Variants in TM2D1 observed in about 807,000 individuals in gnomAD.
TM2D1 encodes TM2 domain-containing protein 1.
Under a neutral mutation model 28.4 loss-of-function variants are expected in TM2D1, and 15 were observed. That is an observed-to-expected ratio of 0.53 (90% CI 0.35 to 0.81). TM2D1 has a LOEUF of 0.81. Among genes scored for constraint, TM2D1 ranks in the 40% least tolerant of loss-of-function variants. The pLI, the probability that TM2D1 is intolerant of heterozygous loss-of-function variation, is 0.01. For missense variants in TM2D1, 236 were observed against 254.9 expected, an observed-to-expected ratio of 0.93 and a Z score of 0.50; for synonymous variants, 93 against 96.2, an observed-to-expected ratio of 0.97 and a Z score of 0.20.
At chr1:61,690,456 C>CAAAAAAAAA (rs762550068) in intron 5 of TM2D1, among the ~76,000 whole-genome samples, 9 of 60,018 alleles carry the variant, frequency 1.5e-4, no homozygotes, top group Non-Finnish European at 2.4e-4. Context: ...GACTCAGTCT[C>CAAAAAAAAA]AAAAAAAAAA....
chr1:61,690,099 G>T (rs1644312800), intron 5 of TM2D1, among the ~76,000 whole-genome samples: 1 of 152,140 alleles, frequency 6.6e-6, no homozygotes, highest in African/African-American at 2.4e-5. Flanking sequence ...GAACCTGCTG[G>T]TGTCTTGATA....
chr1:61,689,280 T>G (rs1242893501), intron 5 of TM2D1, among the ~76,000 whole-genome samples: 1 of 152,182 alleles, frequency 6.6e-6, no homozygotes, highest in East Asian at 1.9e-4. Flanking sequence ...TTTAAAAATG[T>G]TCGTAAAATG....
At chr1:61,681,829 T>C (rs1644245567) in intron 6 of TM2D1, among the ~76,000 whole-genome samples, 1 of 152,278 alleles carries the variant, frequency 6.6e-6, no homozygotes, top group Admixed American at 6.5e-5. Flanking sequence ...AGAACAACCA[T>C]GTGACAGAAT....
chr1:61,701,097 A>G (rs1644397404), intron 3 of TM2D1, 72 bp from the exon 4 acceptor site: 1 of 1,157,908 alleles, frequency 8.6e-7, no homozygotes, highest in Non-Finnish European at 1.3e-6. Context: ...ATTAACTACT[A>G]CTTGTTAATT....
intron 5 of TM2D1, among the ~76,000 whole-genome samples, chr1:61,686,390 C>T (rs1038471320): frequency 9.2e-5 from 14 of 151,868 alleles, no homozygotes; most frequent in Non-Finnish European, 1.3e-4. Flanking sequence ...GGTGTGGTGG[C>T]TCATGCCTGT....
At chr1:61,693,927 G>A (rs1398198784) in intron 5 of TM2D1, among the ~76,000 whole-genome samples, 2 of 152,132 alleles carry the variant, frequency 1.3e-5, no homozygotes, top group African/African-American at 4.8e-5. Context: ...ACCACAATCA[G>A]TTCTACATAA....
intron 3 of TM2D1, among the ~76,000 whole-genome samples, chr1:61,707,699 A>C (rs1644450830): frequency 6.6e-6 from 1 of 152,254 alleles, no homozygotes; most frequent in Non-Finnish European, 1.5e-5. Flanking sequence ...ATTATACAGC[A>C]AGATAGAATC....
At chr1:61,699,539 T>C (rs907073192) in intron 4 of TM2D1, 2 of 152,242 alleles carry the variant, frequency 1.3e-5, no homozygotes, top group South Asian at 4.1e-4. Flanking sequence ...AATTGTCCCC[T>C]AATCTCCCAG....
chr1:61,714,271 A>G (rs1644501172), intron 2 of TM2D1, among the ~76,000 whole-genome samples: 1 of 148,328 alleles, frequency 6.7e-6, no homozygotes, highest in Non-Finnish European at 1.5e-5. Context: ...GGATGGGCGC[A>G]GTGGCTCACA....
intron 2 of TM2D1, among the ~76,000 whole-genome samples, chr1:61,714,175 C>G (rs12119439): frequency 1 from 146,758 of 147,168 alleles, 73,175 homozygotes; most frequent in Middle Eastern, 1. Context: ...GATTACAGGC[C>G]TGAGCCACCG....
chr1:61,701,482 G>T (rs1416215869), intron 3 of TM2D1, among the ~76,000 whole-genome samples: 1 of 151,446 alleles, frequency 6.6e-6, no homozygotes, highest in East Asian at 1.9e-4. Flanking sequence ...AGTGTCACAG[G>T]CAAAAAAGAC....
At chr1:61,704,234 A>G (rs111325657) in intron 3 of TM2D1, among the ~76,000 whole-genome samples, 166 of 152,204 alleles carry the variant, frequency 1.1e-3, no homozygotes, top group Non-Finnish European at 1.9e-3. Context: ...TATAAAACGT[A>G]TCACCAACTT....
chr1:61,690,092 C>T (rs1644312750), intron 5 of TM2D1, among the ~76,000 whole-genome samples: 1 of 152,148 alleles, frequency 6.6e-6, no homozygotes, highest in Non-Finnish European at 1.5e-5. Context: ...AGACACTGAA[C>T]CTGCTGGTGT....
intron 3 of TM2D1, among the ~76,000 whole-genome samples, chr1:61,705,421 A>G (rs1644433518): frequency 6.6e-6 from 1 of 152,040 alleles, no homozygotes; most frequent in Non-Finnish European, 1.5e-5. Flanking sequence ...CCTGACCTCA[A>G]GCGATCTGCC....
At chr1:61,705,856 A>G (rs911602439) in intron 3 of TM2D1, among the ~76,000 whole-genome samples, 12 of 152,332 alleles carry the variant, frequency 7.9e-5, no homozygotes, top group African/African-American at 2.4e-4. Context: ...TTGGTCATCA[A>G]TCAGACATGG....
chr1:61,704,572 C>G lies in TM2D1; in HGVS notation c.348-3547G>C, dbSNP rs148162817. 4.6e-5 allele frequency among the ~76,000 whole-genome samples: 7 copies of G among 152,084 alleles called. No homozygotes were observed. In the East Asian group the frequency reaches 1.2e-3, roughly 25 times the overall value. The stretch of plus-strand genomic sequence containing the variant: ...TCAGCCTCCCGCGTAGCTAGGATTA[C>G]AGGTGCCCACCACCACTCCCGGCTA... On this transcript the variant is annotated intron_variant, in intron 3 of 6. Transcript: ENST00000606498.
intron 3 of TM2D1, among the ~76,000 whole-genome samples, chr1:61,704,989 T>C (rs1047327472): frequency 5.9e-5 from 9 of 152,194 alleles, no homozygotes; most frequent in Non-Finnish European, 7.3e-5. Flanking sequence ...CTTTGATATA[T>C]TGACAAAGAC....
intron 1 of TM2D1, among the ~76,000 whole-genome samples, chr1:61,724,605 G>A (rs1418932770): frequency 6.6e-6 from 1 of 152,158 alleles, no homozygotes; most frequent in Non-Finnish European, 1.5e-5. Context: ...CATTTCCAGG[G>A]TAAGAGACTA....
At chr1:61,688,318 T>C (rs1289814889) in intron 5 of TM2D1, among the ~76,000 whole-genome samples, 1 of 152,004 alleles carries the variant, frequency 6.6e-6, no homozygotes, top group African/African-American at 2.4e-5. Context: ...CATGACAGAG[T>C]AAAAGTTACT....
Sources: allele counts gnomAD v4.1 joint callset (sites outside exome capture counted in the v4.1 genomes callset), GRCh38; gene constraint gnomAD v4.1.1; transcripts MANE v1.5; gene names NCBI Gene and HGNC (gene_info 2026-07-23, HGNC 2026-07-21).